Variants in GCM2 observed in about 807,000 individuals in gnomAD.
The protein encoded by GCM2 is GCM transcription factor 2.
A neutral mutation model predicts 24.8 loss-of-function variants in GCM2; 21 were observed. That is an observed-to-expected ratio of 0.85 (90% CI 0.60 to 1.22). The LOEUF (loss-of-function observed/expected upper bound fraction) is 1.22. Among genes scored for constraint, GCM2 ranks in the 50% most tolerant of loss-of-function variants. The pLI, the probability that GCM2 is intolerant of heterozygous loss-of-function variation, is 0.00. For synonymous variants in GCM2, 222 were observed against 238.0 expected, an observed-to-expected ratio of 0.93 and a Z score of 0.62; for missense variants, 532 against 645.6, an observed-to-expected ratio of 0.82 and a Z score of 1.91.
At chr6:10,875,443 T>C (rs890889831) in intron 4 of GCM2, among the ~76,000 whole-genome samples, 10 of 152,226 alleles carry the variant, frequency 6.6e-5, no homozygotes, top group African/African-American at 2.4e-4. Flanking sequence ...GCTTCTGTTA[T>C]CCTTACACTA....
chr6:10,874,890 G>A lies in GCM2; in HGVS notation c.626C>T (p.Pro209Leu). Residue 209 changes from proline (P) to leucine (L), a missense_variant, in exon 5 of 5, where the codon CCT becomes CTT. Pro to Leu is a moderately conservative substitution (Grantham distance 98). Transcript: ENST00000379491. The stretch of plus-strand genomic sequence containing the variant: ...AAAGTCTTCTGGATTTTCCAAGGGA[G>A]GTATGTTGCTGAAATGACCACTGCT... ...QDSSGHFSNI[P>L]PLENPEDFDI... 1 of 1,614,032 alleles carries A rather than the reference G, an allele frequency of 6.2e-7. No homozygotes were observed. Among genetic ancestry groups the A allele is most frequent in the East Asian group, 2.2e-5 (1 of 44,886 alleles).
chr6:10,875,907 C>T lies in GCM2; in HGVS notation c.566G>A (p.Arg189Lys). The change falls in exon 4 of 5, where the codon AGA becomes AAA. Residue 189 changes from arginine to lysine, a missense_variant. Coordinates refer to ENST00000379491, the MANE Select transcript of GCM2 (RefSeq NM_004752.4). The part of the protein sequence containing the change: ...MASFYQPQKK[R>K]IRESEAEENQ... Reference sequence around the variant, plus strand: ...CCCTGTTACCTCGGATTCTCGAATTCTCTTTTTCTGGGGTTGGTAGAAAGA... The same window carrying T: ...CCCTGTTACCTCGGATTCTCGAATTTTCTTTTTCTGGGGTTGGTAGAAAGA... 4 of 1,614,096 alleles carry T rather than the reference C, an allele frequency of 2.5e-6. No individual in the cohort carries two copies. The highest frequency in any genetic ancestry group is 1.1e-5 in the South Asian group (1 of 91,082).
intron 3 of GCM2, 65 bp from the exon 4 acceptor site, chr6:10,876,081 A>T (rs1779873484): frequency 1.3e-6 from 2 of 1,535,280 alleles, no homozygotes; most frequent in South Asian, 2.2e-5. Context: ...TGTTGCCCAA[A>T]AATTGATCAT....
intron 1 of GCM2, 103 bp downstream of exon 1, chr6:10,881,601 T>G (rs951475820): frequency 1.7e-6 from 1 of 597,522 alleles, no homozygotes; most frequent in Non-Finnish European, 3.0e-6. Flanking sequence ...TGTGTGTGTG[T>G]GTGTGTATGG....
At chr6:10,881,388 C>T (rs370221133) in intron 1 of GCM2, among the ~76,000 whole-genome samples, 1 of 152,000 alleles carries the variant, frequency 6.6e-6, no homozygotes, top group Non-Finnish European at 1.5e-5. Flanking sequence ...GAACTCCCGA[C>T]CTCAGATGAT....
Position 10,881,802 on chromosome 6 carries a change from C to T in GCM2, c.-9G>A, listed in dbSNP as rs773917915. ...ACCGCGGCCGCCGGCATCTGCCCAA[C>T]TCGCTCGCGCTTTCCGCCCAGGGTT... On this transcript the variant is annotated 5_prime_UTR_variant, in exon 1 of 5. Coordinates refer to ENST00000379491, the MANE Select transcript of GCM2 (RefSeq NM_004752.4). 1.2e-6 allele frequency: 2 copies of T among 1,604,882 alleles called. No homozygotes were observed. The highest frequency in any genetic ancestry group is 1.7e-6 in the Non-Finnish European group (2 of 1,178,872).
intron 3 of GCM2, 47 bp from the exon 4 acceptor site, chr6:10,876,063 G>T: frequency 6.2e-7 from 1 of 1,609,050 alleles, no homozygotes; most frequent in Non-Finnish European, 8.5e-7. Context: ...TCTAAAGGAA[G>T]CTGACAATGT....
Position 10,881,923 on chromosome 6 carries a change from A to G in GCM2, c.-130T>C. The G allele has an allele frequency of 1.4e-6, 1 of 716,754 alleles. No homozygotes were observed. The highest frequency in any genetic ancestry group is 2.1e-5 in the Admixed American group (1 of 48,770). The allele number at this position is 716,754 out of a possible 1,614,324, so 44.4% of individuals were successfully genotyped here. ...GGGTGTGTGAAGGGGAGGTGCAGAG[A>G]GAGAGAAAGAGAGAGAGGCTGTTTA... On this transcript the variant is annotated 5_prime_UTR_variant, in exon 1 of 5. Coordinates refer to ENST00000379491, the MANE Select transcript of GCM2 (RefSeq NM_004752.4).
At position 10,881,979 on chromosome 6, in the gene GCM2, G is replaced by T. The variant is rs1455410540; in HGVS notation, c.-186C>A. 5 of 627,680 alleles carry T rather than the reference G, an allele frequency of 8.0e-6. No individual in the cohort carries two copies. In the South Asian group the frequency reaches 9.1e-5, roughly 11 times the overall value. The allele number at this position is 627,680 out of a possible 1,614,324, so 38.9% of individuals were successfully genotyped here. A position where few individuals can be genotyped will look rare whatever the true frequency, so the allele number is the denominator to read the frequency against. The stretch of plus-strand genomic sequence containing the variant: ...CTGGAAGCTGGGGACAATGGTTATG[G>T]ACCCGGGCGGGGCCTTGTCCTTGGC... On this transcript the variant is annotated 5_prime_UTR_variant, in exon 1 of 5. Coordinates refer to ENST00000379491, the MANE Select transcript of GCM2 (RefSeq NM_004752.4).
Position 10,881,788 on chromosome 6 carries a change from C to A in GCM2, c.6G>T (p.Pro2=). The change falls in exon 1 of 5, where the codon CCG becomes CCT. Residue 2 remains proline (P), a synonymous_variant. Transcript: ENST00000379491. ...CGACCGCTTCCTGCACCGCGGCCGC[C>A]GGCATCTGCCCAACTCGCTCGCGCT... M[P]AAAVQEAVGV... is the part of the protein sequence containing the mutation. The A allele has an allele frequency of 6.2e-7, 1 of 1,607,302 alleles. No homozygotes were observed. Among genetic ancestry groups the A allele is most frequent in the Non-Finnish European group, 8.5e-7 (1 of 1,179,800 alleles).
At chr6:10,877,061 T>TCAAA in intron 2 of GCM2, 79 bp downstream of exon 2, 2 of 1,563,088 alleles carry the variant, frequency 1.3e-6, no homozygotes, top group Non-Finnish European at 1.7e-6. Flanking sequence ...AGGCTCCATC[T>TCAAA]CAAACAAACA....
chr6:10,878,482 C>G (rs1048413230), intron 1 of GCM2, among the ~76,000 whole-genome samples: 4 of 152,092 alleles, frequency 2.6e-5, no homozygotes, highest in African/African-American at 9.7e-5. Flanking sequence ...CCACGCCTGG[C>G]TATTGTTTGT....
Position 10,874,818 on chromosome 6 carries a change from G to C in GCM2, c.698C>G (p.Pro233Arg), listed in dbSNP as rs1337483654. 5 of 1,613,150 alleles carry C rather than the reference G, an allele frequency of 3.1e-6. No homozygotes were observed. Among genetic ancestry groups the C allele is most frequent in the Non-Finnish European group, 4.2e-6 (5 of 1,179,486 alleles). Reference protein sequence around the residue: ...TSFPIPGQPCPSFPKSDVYKA... With the variant: ...TSFPIPGQPCRSFPKSDVYKA... ...GTAAACATCAGACTTTGGGAAGGAA[G>C]GGCAAGGCTGCCCTGGAATAGGGAA... The change falls in exon 5 of 5, where the codon CCT becomes CGT. Residue 233 changes from proline (P) to arginine (R), a missense_variant. Pro to Arg is a moderately radical substitution (Grantham distance 103, BLOSUM62 -2). Around this residue, in one of 3 missense-constraint regions of GCM2, gnomAD observed 434 missense variants for 521.9 expected, o/e 0.83. Transcript: ENST00000379491.
intron 2 of GCM2, 49 bp downstream of exon 2, chr6:10,877,091 A>G (rs766710326): frequency 6.2e-7 from 1 of 1,601,090 alleles, no homozygotes; most frequent in South Asian, 1.1e-5. Flanking sequence ...AACAACAACA[A>G]AAAACTCATG....
At position 10,877,131 on chromosome 6, in the gene GCM2, T is replaced by C. The variant is rs756711776; in HGVS notation, c.343+9A>G. The C allele has an allele frequency of 6.2e-6, 10 of 1,610,420 alleles. No homozygotes were observed. In the African/African-American group the frequency reaches 8.0e-5, roughly 13 times the overall value. ...CAAGGTCACCCTCTCCCTGGCCCCA[T>C]GTCCTCACTCTGCTGTTTCAGCCGT... On this transcript the variant is annotated intron_variant, in intron 2 of 4. Coordinates refer to ENST00000379491, the MANE Select transcript of GCM2 (RefSeq NM_004752.4).
chr6:10,875,380 G>A (rs903447537), intron 4 of GCM2, among the ~76,000 whole-genome samples: 2 of 152,186 alleles, frequency 1.3e-5, no homozygotes, highest in African/African-American at 2.4e-5. Context: ...ACCATTAAAT[G>A]TGTGAAACTC....
chr6:10,880,447 C>T (rs562118036), intron 1 of GCM2, among the ~76,000 whole-genome samples: 18 of 152,180 alleles, frequency 1.2e-4, no homozygotes, highest in African/African-American at 4.3e-4. Context: ...CAAAATGACC[C>T]ATCTCTTTTA....
chr6:10,874,444 G>A lies in GCM2; in HGVS notation c.1072C>T (p.Pro358Ser). 6.2e-7 allele frequency: 1 copy of A among 1,614,184 alleles called. No homozygotes were observed. Among genetic ancestry groups the A allele is most frequent in the Non-Finnish European group, 8.5e-7 (1 of 1,180,036 alleles). ...HGQFQAMATR[P>S]YYNPELPCRY... ...CAGGGAAGCTCTGGGTTATAATAAG[G>A]GCGAGTGGCCATGGCCTGAAACTGC... The change falls in exon 5 of 5, where the codon CCT becomes TCT. Residue 358 changes from proline (P) to serine (S), a missense_variant. Physicochemically the swap from Pro to Ser is moderately conservative, Grantham distance 74. Around this residue, in one of 3 missense-constraint regions of GCM2, gnomAD observed 434 missense variants for 521.9 expected, o/e 0.83. Coordinates refer to ENST00000379491, the MANE Select transcript of GCM2 (RefSeq NM_004752.4).
At chr6:10,875,141 A>G (rs549465207) in intron 4 of GCM2, among the ~76,000 whole-genome samples, 1 of 152,164 alleles carries the variant, frequency 6.6e-6, no homozygotes, top group African/African-American at 2.4e-5. Context: ...CAACGACTGA[A>G]TGACAAAGGT....
Sources: allele counts gnomAD v4.1 joint callset (sites outside exome capture counted in the v4.1 genomes callset), GRCh38; gene constraint gnomAD v4.1.1; regional missense constraint gnomAD v4.1.1; transcripts MANE v1.5; gene names NCBI Gene and HGNC (gene_info 2026-07-23, HGNC 2026-07-21).